The following SPAG16 variants were observed in gnomAD, a reference collection of about 807,000 sequenced individuals.
SPAG16 encodes sperm-associated antigen 16 protein.
Under a neutral mutation model 80.4 loss-of-function variants are expected in SPAG16, and 86 were observed. The observed-to-expected ratio is 1.07, with a 90% confidence interval of 0.90 to 1.28. SPAG16 has a LOEUF of 1.28. Among genes scored for constraint, SPAG16 ranks in the 50% most tolerant of loss-of-function variants. The pLI is 0.00. For synonymous variants in SPAG16, 294 were observed against 265.9 expected (o/e 1.11, Z -1.03); for missense variants, 870 against 765.3 (o/e 1.14, Z -1.61).
intron 10 of SPAG16, among the ~76,000 whole-genome samples, chr2:213,661,706 G>C (rs2125185103): frequency 6.6e-6 from 1 of 152,032 alleles, no homozygotes; most frequent in African/African-American, 2.4e-5. Context: ...TTGTTTAAAA[G>C]TTTGTTTTAA....
At chr2:214,027,599 C>G (rs1456229372) in intron 13 of SPAG16, among the ~76,000 whole-genome samples, 2 of 151,828 alleles carry the variant, frequency 1.3e-5, no homozygotes, top group African/African-American at 4.8e-5. Context: ...GCTATATACT[C>G]TTTCCAGCAA....
chr2:214,234,645 G>A (rs1470781722), intron 15 of SPAG16, among the ~76,000 whole-genome samples: 2 of 152,116 alleles, frequency 1.3e-5, no homozygotes, highest in African/African-American at 4.8e-5. Context: ...CATCAGTGAT[G>A]TTGAGCTTTT....
At chr2:213,449,092 G>A (rs759246298) in intron 9 of SPAG16, among the ~76,000 whole-genome samples, 8 of 152,048 alleles carry the variant, frequency 5.3e-5, no homozygotes, top group Non-Finnish European at 1.0e-4. Flanking sequence ...CCTGGGGGGA[G>A]GTCTATAAAT....
chr2:214,140,071 A>G (rs1191969078), intron 14 of SPAG16, among the ~76,000 whole-genome samples: 6 of 152,124 alleles, frequency 3.9e-5, no homozygotes. Context: ...AATGTATAAA[A>G]CCAAACTGTA....
At chr2:213,787,186 A>C (rs1476329777) in intron 10 of SPAG16, among the ~76,000 whole-genome samples, 1 of 152,174 alleles carries the variant, frequency 6.6e-6, no homozygotes, top group Non-Finnish European at 1.5e-5. Context: ...CTATGTAACA[A>C]ATCTGCACAT....
chr2:214,088,451 C>G (rs969860787), intron 13 of SPAG16, among the ~76,000 whole-genome samples: 2 of 151,944 alleles, frequency 1.3e-5, no homozygotes, highest in African/African-American at 4.8e-5. Context: ...TAGATACATT[C>G]TAGAAGGACA....
chr2:214,289,169 A>G (rs1250336725), intron 15 of SPAG16, among the ~76,000 whole-genome samples: 1 of 152,132 alleles, frequency 6.6e-6, no homozygotes, highest in African/African-American at 2.4e-5. Context: ...ATAGCTGGCA[A>G]ATATTTTCTC....
intron 12 of SPAG16, among the ~76,000 whole-genome samples, chr2:213,954,665 G>T (rs1484900341): frequency 1.3e-5 from 2 of 151,986 alleles, no homozygotes; most frequent in Non-Finnish European, 2.9e-5. Context: ...TTACTGTTGG[G>T]TATATAACTA....
intron 15 of SPAG16, among the ~76,000 whole-genome samples, chr2:214,343,125 A>T (rs1256150244): frequency 6.6e-6 from 1 of 152,182 alleles, no homozygotes; most frequent in Non-Finnish European, 1.5e-5. Flanking sequence ...AAGTATAATA[A>T]CTATTTTATT....
intron 15 of SPAG16, among the ~76,000 whole-genome samples, chr2:214,368,892 A>G (rs147555661): frequency 9.9e-5 from 15 of 152,030 alleles, no homozygotes; most frequent in South Asian, 6.2e-4. Flanking sequence ...ACAATTCTTT[A>G]TCACCTCTAC....
At chr2:214,131,733 A>G (rs1275180586) in intron 14 of SPAG16, among the ~76,000 whole-genome samples, 2 of 152,226 alleles carry the variant, frequency 1.3e-5, no homozygotes, top group Middle Eastern at 3.2e-3. Flanking sequence ...TATGACTCCA[A>G]CTATGTGACA....
intron 15 of SPAG16, among the ~76,000 whole-genome samples, chr2:214,206,184 A>C (rs2058140133): frequency 7.6e-6 from 1 of 131,828 alleles, no homozygotes; most frequent in South Asian, 2.2e-4. Flanking sequence ...GTCTCAAAAA[A>C]TATATATATA....
intron 9 of SPAG16, among the ~76,000 whole-genome samples, chr2:213,390,998 G>A (rs1412088405): frequency 2.6e-5 from 4 of 152,086 alleles, no homozygotes; most frequent in East Asian, 1.9e-4. Flanking sequence ...GGCCAGGCGC[G>A]GTGACTCATG....
intron 10 of SPAG16, among the ~76,000 whole-genome samples, chr2:213,714,147 T>C (rs1412124463): frequency 2.6e-5 from 4 of 152,142 alleles, no homozygotes; most frequent in Non-Finnish European, 5.9e-5. Flanking sequence ...AGGTGAGCTC[T>C]CTCCAAGAGG....
intron 9 of SPAG16, among the ~76,000 whole-genome samples, chr2:213,431,252 C>A (rs1256778812): frequency 6.6e-6 from 1 of 151,854 alleles, no homozygotes; most frequent in East Asian, 1.9e-4. Flanking sequence ...TACAAAACAA[C>A]TAGATAACAA....
chr2:214,380,867 G>T (rs568636026), intron 15 of SPAG16, among the ~76,000 whole-genome samples: 2 of 152,278 alleles, frequency 1.3e-5, no homozygotes, highest in South Asian at 4.1e-4. Flanking sequence ...CTACATTAGT[G>T]TAATTGGTTT....
At position 214,322,850 on chromosome 2, in the gene SPAG16, T is replaced by C. The variant is rs577781376; in HGVS notation, c.1721-87290T>C. Among the ~76,000 whole-genome samples, 5 of 152,294 alleles carry C rather than the reference T, an allele frequency of 3.3e-5. No homozygotes were observed. The South Asian group carries it at 8.3e-4, about 25-fold the overall frequency. On this transcript the variant is annotated intron_variant, in intron 15 of 15. Transcript: ENST00000331683. ...GGGAAGCAGCAGCCAGTAGCCAAAC[T>C]GCATCCTGGTGGCACTGACTGATCC... is the stretch of plus-strand genomic sequence containing the variant.
chr2:213,590,861 A>G (rs1287163692), intron 10 of SPAG16, among the ~76,000 whole-genome samples: 1 of 152,252 alleles, frequency 6.6e-6, no homozygotes, highest in Non-Finnish European at 1.5e-5. Context: ...TATGTTTATC[A>G]CAGCACTATT....
In SPAG16 at chr2:214,116,629, G is replaced by T. The variant is rs2053948646; in HGVS notation, c.1593+8368G>T. 2.0e-5 allele frequency among the ~76,000 whole-genome samples: 3 copies of T among 152,184 alleles called. No individual in the cohort carries two copies. In the South Asian group the frequency reaches 6.2e-4, roughly 32 times the overall value. The stretch of plus-strand genomic sequence containing the variant: ...CCACTGCGCAGAGACCTGCTGGGAA[G>T]CACACCTGTGTGGGCCACTGGAAAA... On this transcript the variant is annotated intron_variant, in intron 14 of 15. Coordinates refer to ENST00000331683, the MANE Select transcript of SPAG16 (RefSeq NM_024532.5).
Sources: gnomAD v4.1 joint callset for allele counts (sites outside exome capture counted in the v4.1 genomes callset) on GRCh38, gnomAD v4.1.1 for gene constraint, MANE v1.5 for transcripts, NCBI Gene and HGNC (gene_info 2026-07-23, HGNC 2026-07-21) for gene names.